Variants in PRKN observed in about 807,000 individuals in gnomAD.
PRKN encodes E3 ubiquitin-protein ligase parkin.
Under a neutral mutation model 59.5 loss-of-function variants are expected in PRKN, and 56 were observed. The ratio of observed to expected loss-of-function variants is 0.94; its 90% CI spans 0.76 to 1.18. The LOEUF is 1.18. Ranked by LOEUF, PRKN falls within the 50% of genes most tolerant of loss-of-function variation. The pLI is 0.00. For missense variants in PRKN, 657 were observed against 596.4 expected (o/e 1.10, Z -1.06); for synonymous variants, 250 against 222.1 (o/e 1.13, Z -1.12).
At chr6:161,594,930 A>G (rs1397062453) in intron 7 of PRKN, among the ~76,000 whole-genome samples, 1 of 152,254 alleles carries the variant, frequency 6.6e-6, no homozygotes, top group Non-Finnish European at 1.5e-5. Flanking sequence ...AGGGATACCT[A>G]AACGAACATG....
At chr6:162,094,665 T>C (rs1416598462) in intron 4 of PRKN, among the ~76,000 whole-genome samples, 1 of 152,152 alleles carries the variant, frequency 6.6e-6, no homozygotes, top group African/African-American at 2.4e-5. Flanking sequence ...TCTGAATTTG[T>C]GAATTGTCAA....
chr6:162,068,620 T>G (rs936198961), intron 4 of PRKN, among the ~76,000 whole-genome samples: 17 of 152,212 alleles, frequency 1.1e-4, no homozygotes, highest in Admixed American at 1.1e-3. Flanking sequence ...TTCCTTGCCA[T>G]GTGAGCTTCC....
intron 2 of PRKN, among the ~76,000 whole-genome samples, chr6:162,328,012 G>A (rs1250138865): frequency 6.6e-6 from 1 of 152,132 alleles, no homozygotes; most frequent in Non-Finnish European, 1.5e-5. Flanking sequence ...AAGCGACGCT[G>A]GCCACACTGC....
At chr6:162,403,580 T>G (rs1787910190) in intron 2 of PRKN, among the ~76,000 whole-genome samples, 1 of 152,246 alleles carries the variant, frequency 6.6e-6, no homozygotes, top group South Asian at 2.1e-4. Flanking sequence ...TTCCATTGTG[T>G]GAAGCTGTAA....
At chr6:161,694,403 A>G (rs2128176728) in intron 7 of PRKN, among the ~76,000 whole-genome samples, 1 of 152,300 alleles carries the variant, frequency 6.6e-6, no homozygotes, top group East Asian at 1.9e-4. Flanking sequence ...CAATATACAT[A>G]ACGTAAATAC....
chr6:161,849,439 T>A (rs1793335323), intron 6 of PRKN, among the ~76,000 whole-genome samples: 1 of 152,224 alleles, frequency 6.6e-6, no homozygotes, highest in African/African-American at 2.4e-5. Flanking sequence ...CCATTTTTTG[T>A]ACTCATTTAA....
At chr6:162,107,685 T>C (rs1474520512) in intron 4 of PRKN, among the ~76,000 whole-genome samples, 1 of 152,176 alleles carries the variant, frequency 6.6e-6, no homozygotes, top group East Asian at 1.9e-4. Context: ...AACAACACTG[T>C]TCCTTTTTCT....
At chr6:162,534,431 G>C (rs143244464) in intron 1 of PRKN, among the ~76,000 whole-genome samples, 14 of 151,898 alleles carry the variant, frequency 9.2e-5, no homozygotes, top group African/African-American at 3.1e-4. Context: ...GCCTCTTTAC[G>C]GTAGTTCTTT....
chr6:161,370,647 T>C (rs993921980), intron 10 of PRKN, among the ~76,000 whole-genome samples: 5 of 148,678 alleles, frequency 3.4e-5, no homozygotes, highest in East Asian at 3.9e-4. Flanking sequence ...TTGATATACA[T>C]TGAAGCTAGA....
chr6:161,435,525 A>C (rs77875294), intron 9 of PRKN, among the ~76,000 whole-genome samples: 2,584 of 149,698 alleles, frequency 0.017, 84 homozygotes, highest in African/African-American at 0.059. Context: ...AAAAAATAAA[A>C]TGTGTTCATT....
At chr6:162,432,207 T>C (rs1789566106) in intron 2 of PRKN, among the ~76,000 whole-genome samples, 2 of 152,106 alleles carry the variant, frequency 1.3e-5, no homozygotes, top group African/African-American at 4.8e-5. Context: ...TTATATGACA[T>C]AAGCAATATT....
At chr6:162,598,205 G>T (rs1781563884) in intron 1 of PRKN, among the ~76,000 whole-genome samples, 1 of 152,128 alleles carries the variant, frequency 6.6e-6, no homozygotes, top group Non-Finnish European at 1.5e-5. Flanking sequence ...TATCATGGAA[G>T]TCTACTATTT....
rs1363595633 is a variant in PRKN at position 161,578,065 on chromosome 6, A to G, written c.872-8649T>C. 6.6e-6 allele frequency among the ~76,000 whole-genome samples: 1 copy of G among 152,182 alleles called. No homozygotes were observed. Among genetic ancestry groups the G allele is most frequent in the East Asian group, 1.9e-4 (1 of 5,188 alleles). On this transcript the variant is annotated intron_variant, in intron 7 of 11. Coordinates refer to ENST00000366898, the MANE Select transcript of PRKN (RefSeq NM_004562.3). The surrounding 1 kb of genome is among the most constrained non-coding windows in gnomAD (Gnocchi z 4.2). ...CTGCCTTCCTGGAGCTTGCAGAAGAAATAAGACGCACACCAACAAACCAAG... is the reference window on the plus strand; with the variant it reads ...CTGCCTTCCTGGAGCTTGCAGAAGAGATAAGACGCACACCAACAAACCAAG...
rs539941485 is a variant in PRKN at position 161,452,508 on chromosome 6, A to C, written c.1084-65631T>G. 4.6e-5 allele frequency among the ~76,000 whole-genome samples: 7 copies of C among 152,312 alleles called. 1 individual carries two copies. Among genetic ancestry groups the C allele is most frequent in the African/African-American group, 1.7e-4 (7 of 41,576 alleles). ...ATTAACCACATTCCTTTAGAAGTTC[A>C]AGTATGTATAAATTCCTTAATACAA... is the stretch of plus-strand genomic sequence containing the variant. On this transcript the variant is annotated intron_variant, in intron 9 of 11. Transcript: ENST00000366898.
chr6:162,507,909 A>G (rs1276739074), intron 1 of PRKN, among the ~76,000 whole-genome samples: 2 of 152,222 alleles, frequency 1.3e-5, no homozygotes, highest in East Asian at 3.8e-4. Context: ...ACGAAGTAGA[A>G]CAGAAAAGGC....
In PRKN at chr6:162,468,098, T is replaced by G. The variant is rs565023707; in HGVS notation, c.8-24625A>C. On this transcript the variant is annotated intron_variant, in intron 1 of 11. Transcript: ENST00000366898. ...CTTTGTTAACTTACTCTTTGTTAAA[T>G]GTAAGCCCCGACAGGACAGGGACTT... Among the ~76,000 whole-genome samples, 8 of 152,330 alleles carry G rather than the reference T, an allele frequency of 5.3e-5. No homozygotes were observed. In the East Asian group the frequency reaches 1.5e-3, roughly 29 times the overall value.
At chr6:161,930,333 T>C (rs530740046) in intron 6 of PRKN, among the ~76,000 whole-genome samples, 1 of 152,326 alleles carries the variant, frequency 6.6e-6, no homozygotes, top group Admixed American at 6.5e-5. Context: ...TAATAAATAG[T>C]GTCCAGAAAG....
intron 1 of PRKN, among the ~76,000 whole-genome samples, chr6:162,555,155 T>G (rs9356045): frequency 0.27 from 41,094 of 152,038 alleles, 5,940 homozygotes; most frequent in East Asian, 0.49. Context: ...AATGGCTATA[T>G]ATATTATATA....
chr6:161,638,961 C>T (rs1783634009), intron 7 of PRKN, among the ~76,000 whole-genome samples: 2 of 151,988 alleles, frequency 1.3e-5, no homozygotes, highest in Non-Finnish European at 2.9e-5. Context: ...GCGCTGGTCT[C>T]AAACTCCTGA....
Sources: gnomAD v4.1 joint callset for allele counts (sites outside exome capture counted in the v4.1 genomes callset) on GRCh38, gnomAD v4.1.1 for gene constraint, Gnocchi (gnomAD v3.1) non-coding constraint, MANE v1.5 for transcripts, NCBI Gene and HGNC (gene_info 2026-07-23, HGNC 2026-07-21) for gene names.